Variants in CACHD1 observed in about 807,000 individuals in gnomAD.
CACHD1 encodes the protein cache domain containing 1, also known as VWFA and cache domain-containing protein 1.
CACHD1 carries 71 observed loss-of-function variants against 138.7 expected under a neutral mutation model. The observed-to-expected ratio is 0.51, with a 90% CI of 0.42 to 0.62. The LOEUF (loss-of-function observed/expected upper bound fraction) is 0.62, where lower values mean the gene tolerates loss of function less well. CACHD1 is among the 20% of genes least tolerant of loss of function. The probability of loss-of-function intolerance (pLI) is 0.00; values close to 1 mark genes in which losing one functional copy is unlikely to be tolerated. For synonymous variants in CACHD1, 578 were observed against 591.5 expected (o/e 0.98, Z 0.33); for missense variants, 1,389 against 1,625.3 (o/e 0.85, Z 2.50).
At chr1:64,620,085 G>T (rs574511095) in intron 4 of CACHD1, among the ~76,000 whole-genome samples, 6 of 152,094 alleles carry the variant, frequency 3.9e-5, no homozygotes, top group African/African-American at 1.4e-4. Context: ...TTTTTCGTTG[G>T]TAAAGGTTTA....
intron 4 of CACHD1, among the ~76,000 whole-genome samples, chr1:64,612,887 T>G (rs921737541): frequency 6.6e-6 from 1 of 152,226 alleles, no homozygotes; most frequent in Non-Finnish European, 1.5e-5. Context: ...TTCATAAGGC[T>G]GTAGCTTTCA....
At chr1:64,525,374 C>T (rs1055623236) in intron 1 of CACHD1, among the ~76,000 whole-genome samples, 5 of 152,102 alleles carry the variant, frequency 3.3e-5, no homozygotes, top group Non-Finnish European at 5.9e-5. Flanking sequence ...GATATTTACC[C>T]GATTTGAAAA....
intron 26 of CACHD1, among the ~76,000 whole-genome samples, chr1:64,687,092 G>C (rs114052055): frequency 0.017 from 2,601 of 152,242 alleles, 66 homozygotes; most frequent in African/African-American, 0.059. Context: ...TTTCCCACTT[G>C]AGATTGTATT....
At chr1:64,629,838 A>G (rs1042951008) in intron 5 of CACHD1, among the ~76,000 whole-genome samples, 3 of 152,164 alleles carry the variant, frequency 2.0e-5, no homozygotes, top group African/African-American at 7.2e-5. Context: ...ACTTTATAAC[A>G]TATCTCAGAG....
At chr1:64,660,195 C>A (rs576634625) in intron 13 of CACHD1, among the ~76,000 whole-genome samples, 1 of 152,206 alleles carries the variant, frequency 6.6e-6, no homozygotes, top group Non-Finnish European at 1.5e-5. Context: ...TGTGAGCAAG[C>A]TACTGCTGGT....
Position 64,663,946 on chromosome 1 carries a change from C to T in CACHD1, c.2094+109C>T, listed in dbSNP as rs1263292481. On this transcript the variant is annotated intron_variant, in intron 14 of 26. Transcript: ENST00000651257. ...GAAACCCAGCTCTGCATCTGTGCCTCTCAGCTGGAGAGCTGCAGAGTGTGT... is the reference window on the plus strand; with the variant it reads ...GAAACCCAGCTCTGCATCTGTGCCTTTCAGCTGGAGAGCTGCAGAGTGTGT... 4 of 1,416,384 alleles carry T rather than the reference C, an allele frequency of 2.8e-6. No homozygotes were observed. The African/African-American group carries it at 4.2e-5, about 15-fold the overall frequency. The allele number at this position is 1,416,384 out of a possible 1,614,324, so 87.7% of individuals were successfully genotyped here. A position where few individuals can be genotyped will look rare whatever the true frequency, so the allele number is the denominator to read the frequency against.
intron 4 of CACHD1, among the ~76,000 whole-genome samples, chr1:64,616,447 C>G (rs907356451): frequency 2.6e-5 from 4 of 152,116 alleles, no homozygotes; most frequent in African/African-American, 9.7e-5. Flanking sequence ...GCACTTGACC[C>G]AGGTTGTGAG....
Position 64,666,089 on chromosome 1 carries a change from T to C in CACHD1, c.2309T>C (p.Ile770Thr), listed in dbSNP as rs985684725. The change falls in exon 16 of 27, where the codon ATT becomes ACT. Residue 770 changes from isoleucine (I) to threonine (T), a missense_variant. Physicochemically the swap from Ile to Thr is moderately conservative, Grantham distance 89 (BLOSUM62 -1). Coordinates refer to ENST00000651257, the MANE Select transcript of CACHD1 (RefSeq NM_020925.4). Reference sequence around the variant, plus strand: ...CATGCAGTAGCTAATCCAGGGTTGATTTCTTTGACTGGTCCTTACTTAGAT... The same window carrying C: ...CATGCAGTAGCTAATCCAGGGTTGACTTCTTTGACTGGTCCTTACTTAGAT... Reference protein sequence around the residue: ...YLHAVANPGLISLTGPYLDVG... With the variant: ...YLHAVANPGLTSLTGPYLDVG... The C allele has an allele frequency of 1.2e-6, 2 of 1,612,552 alleles. No individual in the cohort carries two copies. Among genetic ancestry groups the C allele is most frequent in the Non-Finnish European group, 8.5e-7 (1 of 1,178,726 alleles).
intron 9 of CACHD1, among the ~76,000 whole-genome samples, chr1:64,651,372 C>CT (rs879721898): frequency 2.0e-5 from 3 of 152,042 alleles, no homozygotes; most frequent in South Asian, 2.1e-4. Flanking sequence ...TTGTTTTCAC[C>CT]TTTTTTTAAA....
At chr1:64,618,139 A>G (rs17097137) in intron 4 of CACHD1, among the ~76,000 whole-genome samples, 7,867 of 151,904 alleles carry the variant, frequency 0.052, 240 homozygotes, top group Middle Eastern at 0.075. Flanking sequence ...AATAAAACCT[A>G]CCTCATAGAT....
At chr1:64,523,813 G>A (rs1043599045) in intron 1 of CACHD1, among the ~76,000 whole-genome samples, 19 of 89,298 alleles carry the variant, frequency 2.1e-4, no homozygotes, top group African/African-American at 8.0e-4. Flanking sequence ...ACTTGGGGTC[G>A]AACGATATTC....
At chr1:64,607,722 A>G (rs1647385305) in intron 4 of CACHD1, among the ~76,000 whole-genome samples, 2 of 152,170 alleles carry the variant, frequency 1.3e-5, no homozygotes, top group African/African-American at 4.8e-5. Flanking sequence ...TCATAGCAAG[A>G]AGAGGAAAGG....
chr1:64,564,182 C>G (rs1394666444), intron 2 of CACHD1, among the ~76,000 whole-genome samples: 23 of 152,172 alleles, frequency 1.5e-4, no homozygotes, highest in Admixed American at 1.5e-3. Flanking sequence ...CATGAATCCC[C>G]TCCCTGGGAA....
chr1:64,673,528 T>C, intron 19 of CACHD1, 64 bp downstream of exon 19: 1 of 1,245,366 alleles, frequency 8.0e-7, no homozygotes, highest in Non-Finnish European at 1.2e-6. Flanking sequence ...TGAATTGGAA[T>C]CATGGCTAGT....
chr1:64,645,524 A>G (rs1256907682), intron 8 of CACHD1, among the ~76,000 whole-genome samples: 1 of 152,158 alleles, frequency 6.6e-6, no homozygotes, highest in Non-Finnish European at 1.5e-5. Context: ...AATGCACACA[A>G]TTGTGGGAGA....
chr1:64,513,470 G>T (rs1190340262), intron 1 of CACHD1, among the ~76,000 whole-genome samples: 1 of 152,156 alleles, frequency 6.6e-6, no homozygotes, highest in Non-Finnish European at 1.5e-5. Flanking sequence ...GAATGCCATG[G>T]AGAAAAGGAG....
intron 2 of CACHD1, among the ~76,000 whole-genome samples, chr1:64,564,341 C>T (rs180907442): frequency 3.9e-5 from 6 of 152,144 alleles, no homozygotes; most frequent in Admixed American, 2.0e-4. Flanking sequence ...CCTTTATTCC[C>T]CGTGCATTTC....
At chr1:64,618,080 C>CAA (rs11418731) in intron 4 of CACHD1, among the ~76,000 whole-genome samples, 2,882 of 144,198 alleles carry the variant, frequency 0.02, 47 homozygotes, top group Non-Finnish European at 0.031. Flanking sequence ...AACTCAGTCT[C>CAA]AAAAAAAAAA....
chr1:64,647,900 T>C lies in CACHD1; in HGVS notation c.1256T>C (p.Ile419Thr). 6.2e-7 allele frequency: 1 copy of C among 1,614,120 alleles called. No individual in the cohort carries two copies. Among genetic ancestry groups the C allele is most frequent in the African/African-American group, 1.3e-5 (1 of 75,040 alleles). The change falls in exon 9 of 27, where the codon ATT (isoleucine) becomes ACT (threonine). Residue 419 changes from isoleucine (I) to threonine (T), a missense_variant. By Grantham distance (89) the Ile-to-Thr change is moderately conservative. Transcript: ENST00000651257. ...GVPDRMALPV[I>T]KGSMMVLNQL... ...CCAGACCGGATGGCCTTGCCTGTGA[T>C]TAAGGGCAGCATGATGGTGCTGAAT...
Sources: allele counts gnomAD v4.1 joint callset (sites outside exome capture counted in the v4.1 genomes callset), GRCh38; gene constraint gnomAD v4.1.1; transcripts MANE v1.5; gene names NCBI Gene and HGNC (gene_info 2026-07-23, HGNC 2026-07-21).